CAST: variants seen among roughly 807,000 people sequenced by gnomAD.
CAST encodes MIR583 host.
A neutral mutation model predicts 119.6 loss-of-function variants in CAST; 76 were observed. The observed-to-expected ratio is 0.64, with a 90% CI of 0.53 to 0.77. The LOEUF (loss-of-function observed/expected upper bound fraction) is 0.77, where lower values mean the gene tolerates loss of function less well. CAST is among the 30% of genes least tolerant of loss of function. CAST has a pLI of 0.00. For synonymous variants in CAST, 319 were observed against 331.6 expected (o/e 0.96, Z 0.41); for missense variants, 953 against 946.5 (o/e 1.01, Z -0.09).
the CAST span, among the ~76,000 whole-genome samples, chr5:96,500,745 T>C: frequency 7.2e-5 from 11 of 152,328 alleles, no homozygotes; most frequent in Non-Finnish European, 1.2e-4. Context: ...CAAAGTCATG[T>C]GCTTAAATGT....
intron 1 of CAST, among the ~76,000 whole-genome samples, chr5:96,630,174 G>A (rs1025702387): frequency 6.6e-6 from 1 of 152,180 alleles, no homozygotes; most frequent in Non-Finnish European, 1.5e-5. Flanking sequence ...TCTATGGTTA[G>A]AGACAAAAAT....
In CAST at chr5:96,774,645, G is replaced by T. The variant is rs1773698602; in HGVS notation, c.*2029G>T. ...ATATTTCCATGTTTCATTAATCAAGGCATAAAATACAATTAAAGCAAAATA... is the reference window on the plus strand; with the variant it reads ...ATATTTCCATGTTTCATTAATCAAGTCATAAAATACAATTAAAGCAAAATA... On this transcript the variant is annotated 3_prime_UTR_variant, in exon 32 of 32. Coordinates refer to ENST00000675179, the MANE Select transcript of CAST (RefSeq NM_001750.7). 4 of 984,654 alleles carry T rather than the reference G, an allele frequency of 4.1e-6. No homozygotes were observed. The highest frequency in any genetic ancestry group is 2.4e-6 in the Non-Finnish European group (2 of 829,226). The allele number at this position is 984,654 out of a possible 1,614,324, so 61.0% of individuals were successfully genotyped here.
At chr5:96,509,560 A>G in the CAST span, among the ~76,000 whole-genome samples, 1 of 152,196 alleles carries the variant, frequency 6.6e-6, no homozygotes, top group African/African-American at 2.4e-5. Context: ...GCTATAAATA[A>G]TCCATCTTTG....
the CAST span, among the ~76,000 whole-genome samples, chr5:96,423,058 G>T: frequency 1.3e-5 from 2 of 152,144 alleles, no homozygotes; most frequent in Admixed American, 6.6e-5. Context: ...AACTTAATTG[G>T]TGTAGGCACT....
chr5:96,348,476 G>A, the CAST span, among the ~76,000 whole-genome samples: 2 of 152,062 alleles, frequency 1.3e-5, no homozygotes, highest in African/African-American at 2.4e-5. Flanking sequence ...TCTAAGTCCA[G>A]ATGAAGGAAT....
At chr5:96,621,703 G>T (rs1355446127) in intron 1 of CAST, among the ~76,000 whole-genome samples, 1 of 152,136 alleles carries the variant, frequency 6.6e-6, no homozygotes, top group Non-Finnish European at 1.5e-5. Flanking sequence ...ATGAGATTTG[G>T]GTGGGGACAC....
intron 1 of CAST, among the ~76,000 whole-genome samples, chr5:96,557,815 G>A (rs1390284093): frequency 6.6e-6 from 1 of 152,112 alleles, no homozygotes; most frequent in African/African-American, 2.4e-5. Flanking sequence ...AAGTTAACAA[G>A]GATATCCAGA....
At chr5:96,522,744 G>T (rs1378477065), upstream of CAST, among the ~76,000 whole-genome samples, 1 of 152,098 alleles carries the variant, frequency 6.6e-6, no homozygotes, top group Non-Finnish European at 1.5e-5. Context: ...AATCAGCCCT[G>T]CACTGCCTGC....
At chr5:96,321,462 G>A in the CAST span, among the ~76,000 whole-genome samples, 1 of 152,234 alleles carries the variant, frequency 6.6e-6, no homozygotes, top group Non-Finnish European at 1.5e-5. Flanking sequence ...GGCTCAAAGT[G>A]TCATAGTGAT....
intron 1 of CAST, among the ~76,000 whole-genome samples, chr5:96,611,853 C>T (rs1377189519): frequency 6.6e-6 from 1 of 151,954 alleles, no homozygotes; most frequent in Non-Finnish European, 1.5e-5. Context: ...TGCTCGACAA[C>T]ACTAATAATC....
At chr5:96,226,074 G>A in the CAST span, among the ~76,000 whole-genome samples, 1 of 152,168 alleles carries the variant, frequency 6.6e-6, no homozygotes, top group African/African-American at 2.4e-5. Flanking sequence ...GCACTTCTCA[G>A]ACAGGGAGAT....
chr5:96,021,022 AAT>A, the CAST span, among the ~76,000 whole-genome samples: 1 of 152,158 alleles, frequency 6.6e-6, no homozygotes, highest in African/African-American at 2.4e-5. Context: ...TAAATTTAAA[AAT>A]ATGTCATTGA....
chr5:96,429,532 T>C, the CAST span, among the ~76,000 whole-genome samples: 1 of 152,186 alleles, frequency 6.6e-6, no homozygotes, highest in South Asian at 2.1e-4. Context: ...GGTATTTTTG[T>C]ACAGATTATT....
chr5:96,574,807 AT>A (rs1369098476), intron 1 of CAST, among the ~76,000 whole-genome samples: 1 of 152,066 alleles, frequency 6.6e-6, no homozygotes, highest in Non-Finnish European at 1.5e-5. Context: ...CCACCATTAA[AT>A]TGTTTTTGTA....
At chr5:96,527,630 A>C (rs1373517103), upstream of CAST, among the ~76,000 whole-genome samples, 1 of 152,192 alleles carries the variant, frequency 6.6e-6, no homozygotes, top group Non-Finnish European at 1.5e-5. Flanking sequence ...AGTAATACAC[A>C]ATTAATAATG....
chr5:96,052,478 G>C, the CAST span, among the ~76,000 whole-genome samples: 1 of 152,218 alleles, frequency 6.6e-6, no homozygotes, highest in African/African-American at 2.4e-5. Flanking sequence ...TTGGATGAAA[G>C]AATATGTACA....
chr5:96,393,221 G>C, the CAST span: 1 of 1,614,026 alleles, frequency 6.2e-7, no homozygotes, highest in East Asian at 2.2e-5. Context: ...TGATTGCTTT[G>C]GCGGTGAGTT....
chr5:95,968,885 T>C, the CAST span, among the ~76,000 whole-genome samples: 1 of 152,144 alleles, frequency 6.6e-6, no homozygotes, highest in South Asian at 2.1e-4. Context: ...TAATAGAGGA[T>C]GTAAGAGGTG....
chr5:96,197,444 T>C, the CAST span, among the ~76,000 whole-genome samples: 1 of 152,160 alleles, frequency 6.6e-6, no homozygotes, highest in African/African-American at 2.4e-5. Flanking sequence ...TTAAAAACTG[T>C]AGAAAACTCC....
Sources: gnomAD v4.1 joint callset for allele counts (sites outside exome capture counted in the v4.1 genomes callset) on GRCh38, gnomAD v4.1.1 for gene constraint, MANE v1.5 for transcripts, NCBI Gene and HGNC (gene_info 2026-07-23, HGNC 2026-07-21) for gene names.